The following PLEKHA6 variants were observed in gnomAD, a reference collection of about 807,000 sequenced individuals.
PLEKHA6 encodes pleckstrin homology domain-containing family A member 6.
Under a neutral mutation model 116.7 loss-of-function variants are expected in PLEKHA6, and 60 were observed. The ratio of observed to expected loss-of-function variants is 0.51; its 90% CI spans 0.42 to 0.64. The LOEUF (loss-of-function observed/expected upper bound fraction) is 0.64. Among genes scored for constraint, PLEKHA6 ranks in the 30% least tolerant of loss-of-function variants. PLEKHA6 has a pLI of 0.00. For synonymous variants in PLEKHA6, 489 were observed against 556.1 expected (o/e 0.88, Z 1.70); for missense variants, 1,338 against 1,422.7 (o/e 0.94, Z 0.96).
intron 1 of PLEKHA6, among the ~76,000 whole-genome samples, chr1:204,285,053 T>A (rs1669008971): frequency 6.6e-6 from 1 of 152,208 alleles, no homozygotes; most frequent in Non-Finnish European, 1.5e-5. Context: ...AAATTTCAGT[T>A]CCTAGTTACA....
rs1164517437 is a variant in PLEKHA6, at chr1:204,238,824, A to G, written c.2409+2551T>C. On this transcript the variant is annotated intron_variant, in intron 17 of 22. Transcript: ENST00000272203. The surrounding 1 kb of genome is among the most constrained non-coding windows in gnomAD (Gnocchi z 4.2). ...TGCAGCACTACAGCCCCTTTCTAGGACATCCCTGAAGAATAGCAGTGAAGG... is the reference window on the plus strand; with the variant it reads ...TGCAGCACTACAGCCCCTTTCTAGGGCATCCCTGAAGAATAGCAGTGAAGG... Among the ~76,000 whole-genome samples the G allele has an allele frequency of 6.6e-6, 1 of 152,234 alleles. No individual in the cohort carries two copies. Among genetic ancestry groups the G allele is most frequent in the Non-Finnish European group, 1.5e-5 (1 of 68,042 alleles).
At position 204,228,149 on chromosome 1, in the gene PLEKHA6, C is replaced by T; in HGVS notation, c.2965G>A (p.Glu989Lys). ...GCGCAGGAGATTTCAATCCGCTTCTCCTGCTCCTGCAGCTGGCTCTCTGAG... is the reference window on the plus strand; with the variant it reads ...GCGCAGGAGATTTCAATCCGCTTCTTCTGCTCCTGCAGCTGGCTCTCTGAG... ...QDSESQLQEQ[E>K]KRIEISCALA... Residue 989 changes from glutamate (E) to lysine (K), a missense_variant, in exon 21 of 23, where the codon GAG (glutamate) becomes AAG (lysine). Physicochemically the swap from Glu to Lys is moderately conservative, Grantham distance 56. This residue lies in a region of PLEKHA6 where 1,136 missense variants were observed against 1,163.6 expected (regional missense o/e 0.98). Transcript: ENST00000272203. The surrounding 1 kb of genome is among the most constrained non-coding windows in gnomAD (Gnocchi z 4.0). The T allele has an allele frequency of 5.0e-6, 8 of 1,613,526 alleles. No homozygotes were observed. Among genetic ancestry groups the T allele is most frequent in the Non-Finnish European group, 6.8e-6 (8 of 1,179,634 alleles).
chr1:204,239,972 C>T (rs559080419), intron 17 of PLEKHA6, among the ~76,000 whole-genome samples: 24 of 152,254 alleles, frequency 1.6e-4, no homozygotes, highest in African/African-American at 5.3e-4. Context: ...GAGGGAGGAA[C>T]GCTGCTACCA....
At chr1:204,263,122 G>A (rs1167734740) in intron 6 of PLEKHA6, among the ~76,000 whole-genome samples, 2 of 152,210 alleles carry the variant, frequency 1.3e-5, no homozygotes, top group Admixed American at 6.5e-5. Context: ...CAGTCACGCT[G>A]GGGGACAAAA....
At chr1:204,377,817 C>CCCTGGCAGTGTCGCTCCCGGGTT (rs1179924536), upstream of PLEKHA6, 7 of 153,080 alleles carry the variant, frequency 4.6e-5, no homozygotes, top group Middle Eastern at 3.1e-3. Flanking sequence ...GCTCCCGGGT[C>CCCTGGCAGTGTCGCTCCCGGGTT]CCTGGCAGTG....
At chr1:204,348,577 C>T (rs571561063) in intron 1 of PLEKHA6, among the ~76,000 whole-genome samples, 38 of 152,146 alleles carry the variant, frequency 2.5e-4, no homozygotes, top group Non-Finnish European at 2.1e-4. Context: ...CCTTCATTCG[C>T]TCCTGCTTCT....
At chr1:204,297,323 C>T (rs949667993) in intron 1 of PLEKHA6, 1 of 499,684 alleles carries the variant, frequency 2.0e-6, no homozygotes, top group Admixed American at 6.4e-5. Flanking sequence ...TCCTCGTCCC[C>T]CTTTAAGTTT....
chr1:204,341,929 G>A lies in PLEKHA6; in HGVS notation c.-95+17765C>T, dbSNP rs576629696. On this transcript the variant is annotated intron_variant, in intron 1 of 22. Coordinates refer to ENST00000272203, the MANE Select transcript of PLEKHA6 (RefSeq NM_014935.5). ...TGGCCGGGTGCAGTGGCTCATGCTT[G>A]TAATCCCAGCACTTTGAAAGGCTGA... Among the ~76,000 whole-genome samples, 8 of 152,290 alleles carry A rather than the reference G, an allele frequency of 5.3e-5. 1 individual carries two copies. In the South Asian group the frequency reaches 1.7e-3, roughly 32 times the overall value.
rs1665546625 is a variant in PLEKHA6 at position 204,257,752 on chromosome 1, A to G, written c.1125T>C (p.Cys375=). Residue 375 remains cysteine, a synonymous_variant, in exon 9 of 23, where the codon TGT becomes TGC. Transcript: ENST00000272203. The surrounding 1 kb of genome is among the most constrained non-coding windows in gnomAD (Gnocchi z 6.5). ...TGATCCGATCATAGGCCGGCATGGAACAGATGCTCTCCGGCCGCACTCCTG... is the reference window on the plus strand; with the variant it reads ...TGATCCGATCATAGGCCGGCATGGAGCAGATGCTCTCCGGCCGCACTCCTG... ...YPPGVRPESI[C]SMPAYDRISP... is the part of the protein sequence containing the mutation. The G allele has an allele frequency of 1.2e-6, 2 of 1,613,802 alleles. No individual in the cohort carries two copies. The highest frequency in any genetic ancestry group is 1.7e-6 in the Non-Finnish European group (2 of 1,179,880).
intron 3 of PLEKHA6, among the ~76,000 whole-genome samples, chr1:204,273,196 A>C (rs1667655852): frequency 6.6e-6 from 1 of 152,022 alleles, no homozygotes; most frequent in Non-Finnish European, 1.5e-5. Flanking sequence ...ACTATCCTTC[A>C]AGACCAGTGG....
intron 1 of PLEKHA6, chr1:204,280,943 T>C (rs1442701403): frequency 3.3e-6 from 3 of 906,314 alleles, no homozygotes. Context: ...TTCCTACCTA[T>C]TGCTGCCACA....
At chr1:204,374,983 T>A (rs74138391) in intron 1 of PLEKHA6, among the ~76,000 whole-genome samples, 16,385 of 152,172 alleles carry the variant, frequency 0.11, 1,047 homozygotes, top group Middle Eastern at 0.17. Flanking sequence ...TTCTGCTGCA[T>A]CCAATACTGT....
chr1:204,246,837 C>T (rs922748390), intron 13 of PLEKHA6, among the ~76,000 whole-genome samples: 6 of 152,204 alleles, frequency 3.9e-5, no homozygotes, highest in East Asian at 1.9e-4. Flanking sequence ...TATATTTACA[C>T]GTCTGTTTTT....
At chr1:204,309,077 C>T (rs1033491191) in intron 1 of PLEKHA6, 16 of 976,058 alleles carry the variant, frequency 1.6e-5, no homozygotes, top group Middle Eastern at 5.2e-4. Flanking sequence ...TTCTGTCACT[C>T]TATTAACATC....
chr1:204,319,854 G>T (rs1391048128), intron 1 of PLEKHA6, among the ~76,000 whole-genome samples: 1 of 152,152 alleles, frequency 6.6e-6, no homozygotes, highest in Non-Finnish European at 1.5e-5. Flanking sequence ...AAGGGACAGG[G>T]CGGGCAGGGA....
intron 1 of PLEKHA6, among the ~76,000 whole-genome samples, chr1:204,318,552 G>A (rs2103211589): frequency 6.6e-6 from 1 of 152,328 alleles, no homozygotes; most frequent in East Asian, 1.9e-4. Context: ...AGGTGGCCTT[G>A]TCTGTGACAG....
At position 204,312,713 on chromosome 1, in the gene PLEKHA6, TG is replaced by T. The variant is rs370760727; in HGVS notation, c.-94-37905del. On this transcript the variant is annotated intron_variant, in intron 1 of 22. Coordinates refer to ENST00000272203, the MANE Select transcript of PLEKHA6 (RefSeq NM_014935.5). Reference sequence around the variant, plus strand: ...TCCACAAAGATGGGCTAGAGTGTGCTGGGGACAGGCACAGAAGAATCACAAA... The same window carrying T: ...TCCACAAAGATGGGCTAGAGTGTGCTGGGACAGGCACAGAAGAATCACAAA... Among the ~76,000 whole-genome samples the T allele has an allele frequency of 2.6e-4, 39 of 152,296 alleles. 1 individual carries two copies. Among genetic ancestry groups the T allele is most frequent in the Middle Eastern group, 3.4e-3 (1 of 294 alleles).
chr1:204,358,615 G>C (rs1488541554), intron 1 of PLEKHA6, among the ~76,000 whole-genome samples: 1 of 152,144 alleles, frequency 6.6e-6, no homozygotes, highest in Non-Finnish European at 1.5e-5. Context: ...CCACTCAAGT[G>C]ATCAGATTGA....
In PLEKHA6 at chr1:204,308,687, C is replaced by CTTTTTTTTTTTTTTT. The variant is rs60251937; in HGVS notation, c.-94-33893_-94-33879dup. On this transcript the variant is annotated intron_variant, in intron 1 of 22. Coordinates refer to ENST00000272203, the MANE Select transcript of PLEKHA6 (RefSeq NM_014935.5). ...CAAGAAGGTAATTCTTTTTCTTTTT[C>CTTTTTTTTTTTTTTT]TTTTTTTTTTTTTTTTTTTTTGAGA... 2.2e-3 allele frequency among the ~76,000 whole-genome samples: 183 copies of CTTTTTTTTTTTTTTT among 81,412 alleles called. 17 individuals are homozygous for CTTTTTTTTTTTTTTT. The highest frequency in any genetic ancestry group is 2.7e-3 in the Non-Finnish European group (124 of 46,530). The allele number at this position is 81,412 out of a possible 152,430, so 53.4% of individuals were successfully genotyped here. A position where few individuals can be genotyped will look rare whatever the true frequency, so the allele number is the denominator to read the frequency against.
Sources: gnomAD v4.1 joint callset for allele counts (sites outside exome capture counted in the v4.1 genomes callset) on GRCh38, gnomAD v4.1.1 for gene constraint, gnomAD v4.1.1 regional missense constraint, Gnocchi (gnomAD v3.1) non-coding constraint, MANE v1.5 for transcripts, NCBI Gene and HGNC (gene_info 2026-07-23, HGNC 2026-07-21) for gene names.